Variants in DMTF1 observed in about 807,000 individuals in gnomAD.
The protein encoded by DMTF1 is cyclin-D-binding Myb-like transcription factor 1.
A neutral mutation model predicts 91.1 loss-of-function variants in DMTF1; 39 were observed. That is an observed-to-expected ratio of 0.43 (90% CI 0.33 to 0.56). The LOEUF is 0.56. DMTF1 is among the 20% of genes least tolerant of loss of function. The pLI is 0.05. For synonymous variants in DMTF1, 338 were observed against 309.5 expected (o/e 1.09, Z -0.97); for missense variants, 750 against 914.5 (o/e 0.82, Z 2.32).
At chr7:87,154,926 C>G (rs948220125) in intron 1 of DMTF1, among the ~76,000 whole-genome samples, 1 of 152,096 alleles carries the variant, frequency 6.6e-6, no homozygotes, top group Non-Finnish European at 1.5e-5. Flanking sequence ...AAAATCTTAC[C>G]TTTCTATTAG....
At chr7:87,172,744 C>T (rs2129103053) in intron 5 of DMTF1, among the ~76,000 whole-genome samples, 1 of 152,342 alleles carries the variant, frequency 6.6e-6, no homozygotes, top group South Asian at 2.1e-4. Flanking sequence ...GCACTGTTGC[C>T]AGGTCTTCCT....
chr7:87,175,372 T>TA (rs747472790), intron 7 of DMTF1, among the ~76,000 whole-genome samples: 1 of 152,100 alleles, frequency 6.6e-6, no homozygotes. Context: ...CCTTACCTTT[T>TA]AAAAAAAATC....
chr7:87,191,452 G>GGT (rs1263734563), intron 14 of DMTF1, among the ~76,000 whole-genome samples: 1 of 152,076 alleles, frequency 6.6e-6, no homozygotes, highest in Non-Finnish European at 1.5e-5. Context: ...CTCCTGAAGA[G>GGT]GTTAAGCACA....
chr7:87,193,708 T>G lies in DMTF1; in HGVS notation c.1651-17T>G. On this transcript the variant is annotated splice_polypyrimidine_tract_variant and intron_variant, in intron 15 of 17. Transcript: ENST00000331242. ...CATTTGATTTACAACTTTAACAGGT[T>G]CTTTAATGTTTTATAGCCAGAACAT... is the stretch of plus-strand genomic sequence containing the variant. 6.4e-7 allele frequency: 1 copy of G among 1,567,574 alleles called. No homozygotes were observed. The highest frequency in any genetic ancestry group is 8.6e-7 in the Non-Finnish European group (1 of 1,157,962).
chr7:87,181,592 A>C (rs184504609), intron 9 of DMTF1, among the ~76,000 whole-genome samples: 1 of 152,152 alleles, frequency 6.6e-6, no homozygotes, highest in African/African-American at 2.4e-5. Context: ...GGTTCCAGAA[A>C]AGATTAAGGG....
intron 5 of DMTF1, 58 bp from the exon 6 acceptor site, chr7:87,173,477 A>G: frequency 1.8e-6 from 2 of 1,127,144 alleles, no homozygotes; most frequent in Non-Finnish European, 2.6e-6. Context: ...GCATTAAATC[A>G]AGCTGCCATT....
chr7:87,164,348 C>T (rs1340182996), intron 2 of DMTF1: 1 of 152,030 alleles, frequency 6.6e-6, no homozygotes, highest in African/African-American at 2.4e-5. Context: ...ATACTTTGAA[C>T]GATGTTCAAA....
At chr7:87,194,440 C>T (rs1484925309) in intron 16 of DMTF1, 5 of 484,712 alleles carry the variant, frequency 1.0e-5, no homozygotes, top group Non-Finnish European at 1.8e-5. Context: ...TACACTGTAA[C>T]AGCATTGTTT....
At chr7:87,184,699 G>C (rs1008686436) in intron 11 of DMTF1, 74 bp downstream of exon 11, 15 of 1,322,236 alleles carry the variant, frequency 1.1e-5, no homozygotes, top group Non-Finnish European at 1.5e-5. Flanking sequence ...TTCCTCTTTT[G>C]GTTTTCCTGG....
At chr7:87,168,354 A>G (rs1794290763) in intron 4 of DMTF1, among the ~76,000 whole-genome samples, 1 of 151,816 alleles carries the variant, frequency 6.6e-6, no homozygotes, top group African/African-American at 2.4e-5. Context: ...TCCATTTATT[A>G]CTCCCTTTAC....
intron 1 of DMTF1, among the ~76,000 whole-genome samples, chr7:87,157,113 G>A (rs1177900907): frequency 6.6e-6 from 1 of 151,926 alleles, no homozygotes; most frequent in Non-Finnish European, 1.5e-5. Flanking sequence ...TACTGTATTG[G>A]GTCAGGAGAA....
chr7:87,193,394 A>G (rs1800355876), intron 15 of DMTF1, 41 bp downstream of exon 15: 1 of 1,605,258 alleles, frequency 6.2e-7, no homozygotes, highest in African/African-American at 1.3e-5. Flanking sequence ...TACCTGTTAT[A>G]GACCAGGATT....
rs375204119 is a variant in DMTF1 at position 87,179,558 on chromosome 7, A to G, written c.533A>G (p.Lys178Arg). 2.6e-6 allele frequency: 4 copies of G among 1,531,560 alleles called. No homozygotes were observed. Among genetic ancestry groups the G allele is most frequent in the African/African-American group, 1.4e-5 (1 of 69,972 alleles). The allele number at this position is 1,531,560 out of a possible 1,614,324, so 94.9% of individuals were successfully genotyped here. A position where few individuals can be genotyped will look rare whatever the true frequency, so the allele number is the denominator to read the frequency against. ...TAACCCATTTAGGCACGCGGAATAA[A>G]AGATGCTACAGAAATCATCTTTGAG... ...IERYLKARGIKDATEIIFEMS... is the reference protein window; with the variant it reads ...IERYLKARGIRDATEIIFEMS... The change falls in exon 8 of 18, where the codon AAA becomes AGA. Residue 178 changes from lysine to arginine, a missense_variant. Lys to Arg is a conservative substitution (Grantham distance 26, BLOSUM62 2). Coordinates refer to ENST00000331242, the MANE Select transcript of DMTF1 (RefSeq NM_001142327.2).
At chr7:87,166,386 A>C in intron 3 of DMTF1, 97 bp from the exon 4 acceptor site, 1 of 1,315,398 alleles carries the variant, frequency 7.6e-7, no homozygotes, top group Non-Finnish European at 1.0e-6. Flanking sequence ...TGGTAAGAAA[A>C]TTTTTTTAAT....
intron 16 of DMTF1, chr7:87,194,407 G>C: frequency 2.3e-6 from 1 of 436,784 alleles, no homozygotes; most frequent in Non-Finnish European, 4.1e-6. Flanking sequence ...TAATCTTTGT[G>C]GTTCAGCCTA....
At chr7:87,193,459 GC>G in intron 15 of DMTF1, 106 bp downstream of exon 15, 1 of 1,147,956 alleles carries the variant, frequency 8.7e-7, no homozygotes, top group South Asian at 1.4e-5. Context: ...TCCTACTGCT[GC>G]TGTTCCAGGC....
chr7:87,185,107 A>G (rs1335357169), intron 11 of DMTF1: 1 of 245,566 alleles, frequency 4.1e-6, no homozygotes, highest in African/African-American at 2.3e-5. Context: ...CATTTCATAC[A>G]AATTCAAAAA....
At chr7:87,193,615 G>A (rs573812214) in intron 15 of DMTF1, 110 bp from the exon 16 acceptor site, 1 of 1,107,888 alleles carries the variant, frequency 9.0e-7, no homozygotes, top group Non-Finnish European at 1.3e-6. Context: ...GAAAAATAGT[G>A]ATAAAAGTAT....
chr7:87,181,911 A>C (rs1797459683), intron 9 of DMTF1: 2 of 846,806 alleles, frequency 2.4e-6, no homozygotes, highest in East Asian at 4.0e-5. Flanking sequence ...GTATATGCTC[A>C]AAAGGGAAAG....
Sources: allele counts gnomAD v4.1 joint callset (sites outside exome capture counted in the v4.1 genomes callset), GRCh38; gene constraint gnomAD v4.1.1; transcripts MANE v1.5; gene names NCBI Gene and HGNC (gene_info 2026-07-23, HGNC 2026-07-21).